Variants in EPHA5 observed in about 807,000 individuals in gnomAD.
EPHA5 encodes the protein ephrin type-A receptor 5.
In EPHA5, 60 loss-of-function variants were observed where a neutral mutation model predicts 105.0. The observed-to-expected ratio is 0.57, with a 90% CI of 0.46 to 0.71. EPHA5 has a LOEUF of 0.71. Ranked by LOEUF, EPHA5 falls within the 30% of genes least tolerant of loss-of-function variation. The pLI, the probability that EPHA5 is intolerant of heterozygous loss-of-function variation, is 0.00. For missense variants in EPHA5, 1,218 were observed against 1,274.7 expected (o/e 0.96, Z 0.68); for synonymous variants, 513 against 449.1 (o/e 1.14, Z -1.80).
intron 13 of EPHA5, 109 bp from the exon 14 acceptor site, chr4:65,348,312 T>A: frequency 9.9e-7 from 1 of 1,014,622 alleles, no homozygotes; most frequent in Non-Finnish European, 1.4e-6. Flanking sequence ...TTTAAGTGAA[T>A]CTGTTTGACA....
chr4:65,493,649 G>A (rs1449380067), intron 4 of EPHA5, among the ~76,000 whole-genome samples: 4 of 151,782 alleles, frequency 2.6e-5, no homozygotes, highest in Admixed American at 1.3e-4. Flanking sequence ...GTGCTCATTT[G>A]ACAACACAGT....
At position 65,670,003 on chromosome 4, in the gene EPHA5, A is replaced by G. The variant is rs1750325684; in HGVS notation, c.-261T>C. The G allele has an allele frequency of 4.5e-6, 2 of 443,524 alleles. No individual in the cohort carries two copies. The highest frequency in any genetic ancestry group is 7.2e-5 in the East Asian group (2 of 27,700). The allele number at this position is 443,524 out of a possible 1,614,324, so 27.5% of individuals were successfully genotyped here. A position where few individuals can be genotyped will look rare whatever the true frequency, so the allele number is the denominator to read the frequency against. On this transcript the variant is annotated 5_prime_UTR_variant, in exon 1 of 17. Transcript: ENST00000613740. ...GTTGCTAGTGCAGATCTGGACTCGG[A>G]TCAAGGGTGTCGAGAGGGTCCTGGG...
chr4:65,326,314 A>G (rs1364727668), intron 16 of EPHA5, among the ~76,000 whole-genome samples: 2 of 151,294 alleles, frequency 1.3e-5, no homozygotes, highest in Non-Finnish European at 3.0e-5. Flanking sequence ...AACCAAGTCT[A>G]TACTTTTAAT....
intron 2 of EPHA5, among the ~76,000 whole-genome samples, chr4:65,618,983 C>T (rs1745478854): frequency 6.6e-6 from 1 of 151,940 alleles, no homozygotes; most frequent in South Asian, 2.1e-4. Context: ...GGTGAAACCC[C>T]GTCTCTATAG....
At chr4:65,560,808 C>T (rs1267542952) in intron 3 of EPHA5, among the ~76,000 whole-genome samples, 2 of 151,926 alleles carry the variant, frequency 1.3e-5, no homozygotes, top group Non-Finnish European at 2.9e-5. Context: ...TGAGGATAAA[C>T]AAAATAATAT....
At chr4:65,669,507 CCCCGCCT>C (rs1750264718) in intron 1 of EPHA5, 48 bp downstream of exon 1, 1 of 1,307,572 alleles carries the variant, frequency 7.6e-7, no homozygotes, top group African/African-American at 1.5e-5. Flanking sequence ...AACTCCCAGG[CCCCGCCT>C]AGCCCCTCCG....
At chr4:65,403,372 T>C (rs1189375378) in intron 8 of EPHA5, among the ~76,000 whole-genome samples, 1 of 147,256 alleles carries the variant, frequency 6.8e-6, no homozygotes, top group African/African-American at 2.4e-5. Context: ...TTCCTGTCTT[T>C]TTTTTTGGAC....
chr4:65,610,199 A>C (rs1744634524), intron 2 of EPHA5, among the ~76,000 whole-genome samples: 1 of 152,166 alleles, frequency 6.6e-6, no homozygotes, highest in South Asian at 2.1e-4. Context: ...ATACACAACC[A>C]TTAAAAAGAA....
intron 3 of EPHA5, among the ~76,000 whole-genome samples, chr4:65,551,406 A>G (rs1323621836): frequency 6.6e-6 from 1 of 152,020 alleles, no homozygotes; most frequent in Non-Finnish European, 1.5e-5. Context: ...GAATGGTTCC[A>G]GGAAAACCAG....
chr4:65,333,195 A>C (rs1188691531), intron 15 of EPHA5, among the ~76,000 whole-genome samples: 2 of 151,212 alleles, frequency 1.3e-5, no homozygotes, highest in Admixed American at 6.6e-5. Context: ...CATTATGTAA[A>C]TTTACATAAT....
chr4:65,356,921 C>A (rs1408785444), intron 11 of EPHA5, among the ~76,000 whole-genome samples: 1 of 151,314 alleles, frequency 6.6e-6, no homozygotes, highest in Non-Finnish European at 1.5e-5. Context: ...CATTATCCAG[C>A]TTGAAGTACA....
rs2148812339 is a variant in EPHA5, at chr4:65,335,934, G to T, written c.2787C>A (p.Cys929Ter). Reference sequence around the variant, plus strand: ...ATCACTCGGATCTGGCCTTGTACCTGCAGGATGCATTAACCAGCGTCTTCA... The same window carrying T: ...ATCACTCGGATCTGGCCTTGTACCTTCAGGATGCATTAACCAGCGTCTTCA... ...SSLKTLVNAS[C>*]RVSNLLAEHS... Residue 929 changes from cysteine to a stop codon, truncating the protein, a stop_gained and splice_region_variant, in exon 15 of 17, where the codon TGC becomes TGA. Transcript: ENST00000613740. LOFTEE classifies it high-confidence loss of function. 1.9e-6 allele frequency: 3 copies of T among 1,607,342 alleles called. No homozygotes were observed. Among genetic ancestry groups the T allele is most frequent in the Non-Finnish European group, 2.6e-6 (3 of 1,176,384 alleles).
intron 7 of EPHA5, among the ~76,000 whole-genome samples, chr4:65,405,103 T>C (rs1487016925): frequency 6.6e-6 from 1 of 152,182 alleles, no homozygotes; most frequent in Non-Finnish European, 1.5e-5. Context: ...GAAAACTATC[T>C]TACGATTGGA....
At chr4:65,404,080 T>G (rs112718229) in intron 8 of EPHA5, among the ~76,000 whole-genome samples, 113 of 152,248 alleles carry the variant, frequency 7.4e-4, no homozygotes, top group African/African-American at 1.9e-3. Context: ...TAAAAAATTT[T>G]CAGATTAAAA....
At chr4:65,532,250 G>A (rs1045411389) in intron 3 of EPHA5, among the ~76,000 whole-genome samples, 1 of 151,958 alleles carries the variant, frequency 6.6e-6, no homozygotes, top group Non-Finnish European at 1.5e-5. Flanking sequence ...AATTAGTAAT[G>A]GAATTTAATG....
At chr4:65,540,659 A>C (rs1736731315) in intron 3 of EPHA5, among the ~76,000 whole-genome samples, 1 of 151,412 alleles carries the variant, frequency 6.6e-6, no homozygotes, top group Non-Finnish European at 1.5e-5. Context: ...TTATTAAAAT[A>C]CTGTAGGAAT....
At chr4:65,394,432 C>A (rs577445003) in intron 8 of EPHA5, among the ~76,000 whole-genome samples, 46 of 152,216 alleles carry the variant, frequency 3.0e-4, no homozygotes, top group African/African-American at 1.1e-3. Flanking sequence ...AGTTTATGTT[C>A]TGGACACTTT....
chr4:65,347,239 T>C (rs1722310467), intron 14 of EPHA5, among the ~76,000 whole-genome samples: 1 of 152,196 alleles, frequency 6.6e-6, no homozygotes, highest in South Asian at 2.1e-4. Context: ...ATACTAGCTT[T>C]ACAATGAAGT....
intron 5 of EPHA5, among the ~76,000 whole-genome samples, chr4:65,468,669 AACAT>A (rs1328882628): frequency 9.2e-5 from 1 of 10,898 alleles, no homozygotes; most frequent in Admixed American, 1.9e-3. Flanking sequence ...AAATATATAT[AACAT>A]ATATACATAT....
Sources: gnomAD v4.1 joint callset for allele counts (sites outside exome capture counted in the v4.1 genomes callset) on GRCh38, gnomAD v4.1.1 for gene constraint, MANE v1.5 for transcripts, NCBI Gene and HGNC (gene_info 2026-07-23, HGNC 2026-07-21) for gene names.